DAPK1: variants seen among roughly 807,000 people sequenced by gnomAD.
DAPK1 encodes death-associated protein kinase 1.
DAPK1 carries 56 observed loss-of-function variants against 144.9 expected under a neutral mutation model. That is an observed-to-expected ratio of 0.39 (90% CI 0.31 to 0.48). DAPK1 has a LOEUF of 0.48. Among genes scored for constraint, DAPK1 ranks in the 20% least tolerant of loss-of-function variants. DAPK1 has a pLI of 0.95. For synonymous variants in DAPK1, 690 were observed against 749.0 expected (o/e 0.92, Z 1.29); for missense variants, 1,454 against 1,875.4 (o/e 0.78, Z 4.15).
chr9:87,589,055 A>ATTTTTTTTTTTTTTTTTTTTTTTT, intron 2 of DAPK1, among the ~76,000 whole-genome samples: 1 of 101,200 alleles, frequency 9.9e-6, no homozygotes, highest in Non-Finnish European at 1.9e-5. Flanking sequence ...CGCCCGGCTA[A>ATTTTTTTTTTTTTTTTTTTTTTTT]TTTTTTTTTT....
At chr9:87,528,006 A>G (rs550823101) in intron 2 of DAPK1, among the ~76,000 whole-genome samples, 62 of 152,340 alleles carry the variant, frequency 4.1e-4, no homozygotes, top group African/African-American at 1.3e-3. Flanking sequence ...GCATCCCACA[A>G]TGTTTCATAC....
rs1825683037 is a variant in DAPK1, at chr9:87,707,451, G to T, written c.*87G>T. The T allele has an allele frequency of 9.5e-6, 9 of 942,634 alleles. No individual in the cohort carries two copies. The highest frequency in any genetic ancestry group is 1.7e-5 in the South Asian group (1 of 59,608). The allele number at this position is 942,634 out of a possible 1,614,324, so 58.4% of individuals were successfully genotyped here. A position where few individuals can be genotyped will look rare whatever the true frequency, so the allele number is the denominator to read the frequency against. On this transcript the variant is annotated 3_prime_UTR_variant, in exon 26 of 26. Coordinates refer to ENST00000408954, the MANE Select transcript of DAPK1 (RefSeq NM_004938.4). This position sits in a 1 kb window ranked among gnomAD's most constrained non-coding sequence, Gnocchi z 4.0. ...CATCCTTCCCTTTGGAGATGCTGAG[G>T]GTGTTTCTTCCTGCACCCACAGCCA... is the stretch of plus-strand genomic sequence containing the variant.
intron 2 of DAPK1, among the ~76,000 whole-genome samples, chr9:87,538,224 G>C (rs1434503217): frequency 6.6e-6 from 1 of 152,092 alleles, no homozygotes; most frequent in East Asian, 1.9e-4. Context: ...TGACTTGGGG[G>C]TTTGCCCTCT....
rs962076759 is a variant in DAPK1, at chr9:87,707,500, G to T, written c.*136G>T. On this transcript the variant is annotated 3_prime_UTR_variant, in exon 26 of 26. Transcript: ENST00000408954. The surrounding 1 kb of genome is among the most constrained non-coding windows in gnomAD (Gnocchi z 4.0). ...CAGGGGGATGCCACTCCTCCCTCCGGCTTGACCTGTTTCTCTGCCGCTACC... is the reference window on the plus strand; with the variant it reads ...CAGGGGGATGCCACTCCTCCCTCCGTCTTGACCTGTTTCTCTGCCGCTACC... 8.9e-5 allele frequency: 56 copies of T among 628,936 alleles called. No individual in the cohort carries two copies. Among genetic ancestry groups the T allele is most frequent in the Admixed American group, 2.6e-4 (9 of 34,108 alleles). 39.0% of individuals were successfully genotyped at this position (628,936 alleles called of 1,614,324 possible). A position where few individuals can be genotyped will look rare whatever the true frequency, so the allele number is the denominator to read the frequency against.
At chr9:87,538,935 A>T (rs78559602) in intron 2 of DAPK1, among the ~76,000 whole-genome samples, 12,395 of 151,266 alleles carry the variant, frequency 0.082, 847 homozygotes, top group East Asian at 0.33. Context: ...GAGATCTGCT[A>T]AACAGCCCCA....
At chr9:87,615,696 T>C (rs1394429245) in intron 3 of DAPK1, among the ~76,000 whole-genome samples, 1 of 152,244 alleles carries the variant, frequency 6.6e-6, no homozygotes, top group Admixed American at 6.5e-5. Flanking sequence ...CCCTTCACTT[T>C]ACCTTTCTGA....
At chr9:87,694,823 G>A (rs534075979) in intron 21 of DAPK1, among the ~76,000 whole-genome samples, 2 of 152,242 alleles carry the variant, frequency 1.3e-5, no homozygotes, top group East Asian at 1.9e-4. Flanking sequence ...TGCAGTCTAC[G>A]GGTGTTTGGA....
rs1179480719 is a variant in DAPK1, at chr9:87,706,423, G to A, written c.3352G>A (p.Asp1118Asn). 2.5e-6 allele frequency: 4 copies of A among 1,613,494 alleles called. No individual in the cohort carries two copies. The Admixed American group carries it at 6.7e-5, about 27-fold the overall frequency. The change falls in exon 26 of 26, where the codon GAT (aspartate) becomes AAT (asparagine). Residue 1118 changes from aspartate to asparagine, a missense_variant. Physicochemically the swap from Asp to Asn is conservative, Grantham distance 23 (BLOSUM62 1). This residue lies in a region of DAPK1 where 1,025 missense variants were observed against 1,237.9 expected (regional missense o/e 0.83). Transcript: ENST00000408954. This position sits in a 1 kb window ranked among gnomAD's most constrained non-coding sequence, Gnocchi z 9.0. ...KTDNLHRSWA[D>N]EEDEVMVYGG... ...AGACAACCTGCACCGCTCCTGGGCT[G>A]ATGAGGAGGACGAGGTGATGGTGTA...
chr9:87,654,862 T>C (rs1253764295), intron 17 of DAPK1, among the ~76,000 whole-genome samples: 1 of 152,154 alleles, frequency 6.6e-6, no homozygotes, highest in Admixed American at 6.5e-5. Context: ...AGGGAATGTG[T>C]TCTTCCCAGT....
chr9:87,669,519 T>A (rs553504372), intron 19 of DAPK1, among the ~76,000 whole-genome samples: 2 of 148,878 alleles, frequency 1.3e-5, no homozygotes, highest in African/African-American at 5.2e-5. Context: ...ATTACTGTAT[T>A]TTTTTTAAAA....
At chr9:87,535,408 C>T (rs1825826419) in intron 2 of DAPK1, among the ~76,000 whole-genome samples, 1 of 152,152 alleles carries the variant, frequency 6.6e-6, no homozygotes, top group African/African-American at 2.4e-5. Flanking sequence ...TATTGAATTA[C>T]ATAAAAATTA....
intron 2 of DAPK1, among the ~76,000 whole-genome samples, chr9:87,568,863 C>T (rs762728469): frequency 2.1e-4 from 32 of 152,198 alleles, no homozygotes; most frequent in Non-Finnish European, 4.3e-4. Flanking sequence ...GAGCTCTCCA[C>T]AGTAAAGAAC....
chr9:87,696,871 C>A (rs1032508515), intron 21 of DAPK1, 136 bp from the exon 22 acceptor site: 2 of 699,410 alleles, frequency 2.9e-6, no homozygotes, highest in African/African-American at 3.5e-5. Context: ...CAAGTCATAA[C>A]AAGATGTATA....
intron 2 of DAPK1, among the ~76,000 whole-genome samples, chr9:87,567,995 C>T (rs1300565787): frequency 1.3e-5 from 2 of 152,230 alleles, no homozygotes; most frequent in Non-Finnish European, 2.9e-5. Context: ...TCCAAGAAGA[C>T]GGTCCAAGGT....
intron 2 of DAPK1, among the ~76,000 whole-genome samples, chr9:87,558,811 T>C (rs1294640168): frequency 6.6e-6 from 1 of 152,202 alleles, no homozygotes; most frequent in Non-Finnish European, 1.5e-5. Context: ...GGCTCCCACG[T>C]GCAGAAAGCA....
intron 19 of DAPK1, among the ~76,000 whole-genome samples, chr9:87,677,098 G>A (rs867517924): frequency 2.0e-5 from 3 of 152,320 alleles, no homozygotes; most frequent in Middle Eastern, 6.8e-3. Flanking sequence ...AAGGCGCCGT[G>A]CACGTGGAAG....
chr9:87,570,102 A>T, intron 2 of DAPK1, among the ~76,000 whole-genome samples: 1 of 151,200 alleles, frequency 6.6e-6, no homozygotes, highest in Non-Finnish European at 1.5e-5. Flanking sequence ...GTCACTTTCT[A>T]TTTTTTTTTA....
intron 18 of DAPK1, among the ~76,000 whole-genome samples, chr9:87,662,297 T>C (rs934017620): frequency 2.6e-5 from 4 of 152,198 alleles, no homozygotes; most frequent in African/African-American, 9.6e-5. Context: ...TTGCTTTGGC[T>C]ATTTAGGACC....
At position 87,688,408 on chromosome 9, in the gene DAPK1, G is replaced by T. The variant is rs149194539; in HGVS notation, c.2413+1669G>T. On this transcript the variant is annotated intron_variant, in intron 21 of 25. Transcript: ENST00000408954. The stretch of plus-strand genomic sequence containing the variant: ...ATAGTGCTGCAATGAACATACTAGT[G>T]CATGTGTCTTTTTGGTGGAACAATT... 1.1e-3 allele frequency among the ~76,000 whole-genome samples: 175 copies of T among 152,308 alleles called. 1 individual carries two copies. The East Asian group carries it at 0.018, about 16-fold the overall frequency.
Sources: gnomAD v4.1 joint callset for allele counts (sites outside exome capture counted in the v4.1 genomes callset) on GRCh38, gnomAD v4.1.1 for gene constraint, gnomAD v4.1.1 regional missense constraint, Gnocchi (gnomAD v3.1) non-coding constraint, MANE v1.5 for transcripts, NCBI Gene and HGNC (gene_info 2026-07-23, HGNC 2026-07-21) for gene names.